The following SPINT2 variants were observed in gnomAD, a reference collection of about 807,000 sequenced individuals.
The protein encoded by SPINT2 is serine peptidase inhibitor, Kunitz type 2.
SPINT2 carries 18 observed loss-of-function variants against 30.1 expected under a neutral mutation model. The ratio of observed to expected loss-of-function variants is 0.60; its 90% CI spans 0.41 to 0.89. The LOEUF (loss-of-function observed/expected upper bound fraction) is 0.89. Ranked by LOEUF, SPINT2 falls within the 40% of genes least tolerant of loss-of-function variation. SPINT2 has a pLI of 0.00. For synonymous variants in SPINT2, 139 were observed against 137.9 expected, an observed-to-expected ratio of 1.01 and a Z score of -0.05; for missense variants, 276 against 334.3, an observed-to-expected ratio of 0.83 and a Z score of 1.36.
chr19:38,264,576 A>C lies in SPINT2; in HGVS notation c.-317A>C. On this transcript the variant is annotated 5_prime_UTR_variant, in exon 1 of 7. Coordinates refer to ENST00000301244, the MANE Select transcript of SPINT2 (RefSeq NM_021102.4). ...GAGCCGCTTCCAATAGGCGTTCGCC[A>C]TTGGCTCTGGCGACCTCCGCGCGTT... is the stretch of plus-strand genomic sequence containing the variant. 1.1e-5 allele frequency: 3 copies of C among 271,010 alleles called. No individual in the cohort carries two copies. Among genetic ancestry groups the C allele is most frequent in the East Asian group, 8.3e-5 (1 of 12,044 alleles). 16.8% of individuals were successfully genotyped at this position (271,010 alleles called of 1,614,324 possible).
Position 38,272,881 on chromosome 19 carries a change from G to A in SPINT2, c.106+7883G>A, listed in dbSNP as rs560467687. Among the ~76,000 whole-genome samples, 65 of 152,020 alleles carry A rather than the reference G, an allele frequency of 4.3e-4. 1 individual carries two copies. Among genetic ancestry groups the A allele is most frequent in the Admixed American group, 3.5e-3 (53 of 15,240 alleles). On this transcript the variant is annotated intron_variant, in intron 1 of 6. Transcript: ENST00000301244. ...ATTACAAGCATGCACCACCACGCCC[G>A]GCTCATTTTTTTGTATTTTTAGTAG...
chr19:38,265,853 T>C (rs965387343), intron 1 of SPINT2, among the ~76,000 whole-genome samples: 25 of 152,228 alleles, frequency 1.6e-4, no homozygotes, highest in African/African-American at 5.8e-4. Flanking sequence ...TAACTCAGAC[T>C]AGCTGGGTTC....
Position 38,283,775 on chromosome 19 carries a change from C to T in SPINT2, c.255C>T (p.Leu85=), listed in dbSNP as rs1488803235. The change falls in exon 2 of 7, where the codon CTC becomes CTT. Residue 85 remains leucine, a synonymous_variant. Transcript: ENST00000301244. ...SNNYLTKEEC[L]KKCATVTENA... ...ATTACCTGACCAAGGAGGAGTGCCT[C>T]AAGAAATGTGCCACTGTCACAGGTG... 1 of 1,592,718 alleles carries T rather than the reference C, an allele frequency of 6.3e-7. No homozygotes were observed. Among genetic ancestry groups the T allele is most frequent in the Non-Finnish European group, 8.6e-7 (1 of 1,166,768 alleles).
intron 6 of SPINT2, chr19:38,291,374 T>G (rs1156280615): frequency 1.8e-5 from 3 of 167,572 alleles, no homozygotes; most frequent in Non-Finnish European, 3.9e-5. Context: ...CCTGACTTCA[T>G]CCCGCAGTAG....
chr19:38,291,831 C>A lies in SPINT2; in HGVS notation c.593-9C>A. On this transcript the variant is annotated splice_polypyrimidine_tract_variant and intron_variant, in intron 6 of 6. Transcript: ENST00000301244. The stretch of plus-strand genomic sequence containing the variant: ...CTGGCCCGTCCTGAGGCCCCTCTCT[C>A]GTCCTCAGTGGTGGTTCTGGCGGGG... The A allele has an allele frequency of 7.4e-6, 12 of 1,611,970 alleles. No homozygotes were observed. The highest frequency in any genetic ancestry group is 1.0e-5 in the Non-Finnish European group (12 of 1,179,768).
At chr19:38,269,070 C>A (rs945578971) in intron 1 of SPINT2, among the ~76,000 whole-genome samples, 1 of 151,934 alleles carries the variant, frequency 6.6e-6, no homozygotes, top group African/African-American at 2.4e-5. Flanking sequence ...GGCTTAAGGT[C>A]TTTTGTTTTT....
At chr19:38,273,708 TG>T (rs1346114579) in intron 1 of SPINT2, among the ~76,000 whole-genome samples, 1 of 152,152 alleles carries the variant, frequency 6.6e-6, no homozygotes, top group Non-Finnish European at 1.5e-5. Flanking sequence ...ACCCGTGTGG[TG>T]GTTTGCCATT....
At chr19:38,283,546 G>T (rs186110391) in intron 1 of SPINT2, 81 bp from the exon 2 acceptor site, 2 of 1,564,844 alleles carry the variant, frequency 1.3e-6, no homozygotes, top group Non-Finnish European at 1.8e-6. Flanking sequence ...TTCTCCTGGG[G>T]GATCCATGTA....
chr19:38,292,374 G>A lies in SPINT2; in HGVS notation c.*368G>A, dbSNP rs2146281531. 5.7e-6 allele frequency: 1 copy of A among 174,158 alleles called. No homozygotes were observed. The highest frequency in any genetic ancestry group is 5.7e-5 in the Admixed American group (1 of 17,498). The allele number at this position is 174,158 out of a possible 1,614,324, so 10.8% of individuals were successfully genotyped here. A position where few individuals can be genotyped will look rare whatever the true frequency, so the allele number is the denominator to read the frequency against. On this transcript the variant is annotated 3_prime_UTR_variant, in exon 7 of 7. Transcript: ENST00000301244. ...ATGGTTTTTTTAAGTATAAACAAAA[G>A]TTTTTTATTAGCATTCTGAAAGAAG...
At chr19:38,273,018 G>A (rs1313296131) in intron 1 of SPINT2, among the ~76,000 whole-genome samples, 2 of 152,022 alleles carry the variant, frequency 1.3e-5, no homozygotes, top group South Asian at 2.1e-4. Context: ...CACCGTGCCC[G>A]GCCTGAAATG....
chr19:38,269,694 T>TC (rs1968427086), intron 1 of SPINT2, among the ~76,000 whole-genome samples: 1 of 148,646 alleles, frequency 6.7e-6, no homozygotes, highest in South Asian at 2.2e-4. Context: ...CACTGCAAGC[T>TC]CCGCCTCCTG....
chr19:38,292,043 A>T lies in SPINT2; in HGVS notation c.*37A>T, dbSNP rs1039947865. ...CCAAGAGGACTGGGGAAGGGAGGGG[A>T]GACTATGTGTGAGCTTTTTTTAAAT... On this transcript the variant is annotated 3_prime_UTR_variant, in exon 7 of 7. Transcript: ENST00000301244. 6.2e-7 allele frequency: 1 copy of T among 1,611,518 alleles called. No homozygotes were observed. The highest frequency in any genetic ancestry group is 8.5e-7 in the Non-Finnish European group (1 of 1,179,018).
chr19:38,264,813 C>A lies in SPINT2; in HGVS notation c.-80C>A. 7.0e-7 allele frequency: 1 copy of A among 1,423,098 alleles called. No homozygotes were observed. The highest frequency in any genetic ancestry group is 9.5e-7 in the Non-Finnish European group (1 of 1,050,844). The allele number at this position is 1,423,098 out of a possible 1,614,324, so 88.2% of individuals were successfully genotyped here. On this transcript the variant is annotated 5_prime_UTR_variant, in exon 1 of 7. Coordinates refer to ENST00000301244, the MANE Select transcript of SPINT2 (RefSeq NM_021102.4). ...AACGCGAGGCGCTCCATTGCGCGTG[C>A]GCGTTGAGGGGCTTCCCGCACCTGA... is the stretch of plus-strand genomic sequence containing the variant.
chr19:38,291,006 T>C (rs1220280457), intron 6 of SPINT2: 1 of 246,016 alleles, frequency 4.1e-6, no homozygotes, highest in East Asian at 1.0e-4. Flanking sequence ...CCTGTGTTTC[T>C]GAGCTTGAGT....
At chr19:38,275,631 C>T (rs1481751590) in intron 1 of SPINT2, among the ~76,000 whole-genome samples, 1 of 152,166 alleles carries the variant, frequency 6.6e-6, no homozygotes, top group Non-Finnish European at 1.5e-5. Context: ...CTATGTTGCC[C>T]AGGCTGGTCT....
In SPINT2 at chr19:38,290,343, T is replaced by A; in HGVS notation, c.553+63T>A. The A allele has an allele frequency of 1.9e-6, 3 of 1,590,694 alleles. No homozygotes were observed. The highest frequency in any genetic ancestry group is 2.6e-6 in the Non-Finnish European group (3 of 1,169,138). On this transcript the variant is annotated intron_variant, in intron 5 of 6. Coordinates refer to ENST00000301244, the MANE Select transcript of SPINT2 (RefSeq NM_021102.4). This position sits in a 1 kb window ranked among gnomAD's most constrained non-coding sequence, Gnocchi z 4.3. ...TTGAGGACCCCGGTCCATCTCCCCA[T>A]CCCTAAAATATGAAGGCCTTGGAAA...
chr19:38,271,335 CAAA>C (rs1968453324), intron 1 of SPINT2, among the ~76,000 whole-genome samples: 2 of 151,046 alleles, frequency 1.3e-5, no homozygotes, highest in Non-Finnish European at 2.9e-5. Context: ...ACTAAAAATA[CAAA>C]AAAATTAGCC....
intron 1 of SPINT2, among the ~76,000 whole-genome samples, chr19:38,269,611 T>C (rs76264749): frequency 2.1e-4 from 30 of 144,226 alleles, no homozygotes; most frequent in Non-Finnish European, 2.3e-4. Flanking sequence ...TCTTTTCTTT[T>C]TTTTTTTTTT....
intron 1 of SPINT2, among the ~76,000 whole-genome samples, chr19:38,273,070 A>T (rs1275595362): frequency 6.6e-6 from 1 of 152,148 alleles, no homozygotes; most frequent in East Asian, 1.9e-4. Flanking sequence ...AAATACCAAG[A>T]TTTTATATCT....
Sources: allele counts gnomAD v4.1 joint callset (sites outside exome capture counted in the v4.1 genomes callset), GRCh38; gene constraint gnomAD v4.1.1; non-coding constraint Gnocchi (gnomAD v3.1); transcripts MANE v1.5; gene names NCBI Gene and HGNC (gene_info 2026-07-23, HGNC 2026-07-21).